Variants in LRRC37A2 observed in about 807,000 individuals in gnomAD.
LRRC37A2 encodes leucine rich repeat containing 37 member A2.
LRRC37A2 carries 9 observed loss-of-function variants against 68.8 expected under a neutral mutation model. The observed-to-expected ratio is 0.13, with a 90% CI of 0.08 to 0.23. The LOEUF is 0.23. Among genes scored for constraint, LRRC37A2 ranks in the 10% least tolerant of loss-of-function variants. The probability of loss-of-function intolerance (pLI) is 1.00; values close to 1 mark genes in which losing one functional copy is unlikely to be tolerated. For synonymous variants in LRRC37A2, 63 were observed against 367.6 expected, an observed-to-expected ratio of 0.17 and a Z score of 9.48; for missense variants, 168 against 950.4, an observed-to-expected ratio of 0.18 and a Z score of 10.82.
the LRRC37A2 span, chr17:46,923,090 G>T: frequency 1.2e-5 from 10 of 813,404 alleles, no homozygotes; most frequent in Non-Finnish European, 1.9e-5. Context: ...GGCCGGCAGG[G>T]GAGGGAGGGT....
At chr17:47,011,051 G>A in the LRRC37A2 span, among the ~76,000 whole-genome samples, 14 of 152,260 alleles carry the variant, frequency 9.2e-5, no homozygotes, top group African/African-American at 3.1e-4. Flanking sequence ...TGTGGAGTGA[G>A]TCTTAGACAG....
the LRRC37A2 span, among the ~76,000 whole-genome samples, chr17:46,987,382 A>C: frequency 6.6e-6 from 1 of 152,210 alleles, no homozygotes; most frequent in Admixed American, 6.5e-5. Flanking sequence ...AACACAGGGG[A>C]GACACACGAT....
chr17:46,969,834 A>T, the LRRC37A2 span, among the ~76,000 whole-genome samples: 1 of 152,108 alleles, frequency 6.6e-6, no homozygotes, highest in African/African-American at 2.4e-5. Context: ...CTCCCATTGC[A>T]AGAGAGGTGC....
At chr17:46,720,514 CT>C in the LRRC37A2 span, among the ~76,000 whole-genome samples, 1 of 152,198 alleles carries the variant, frequency 6.6e-6, no homozygotes, top group Admixed American at 6.5e-5. Flanking sequence ...TTTAGGTCCA[CT>C]TCCTGAGGCA....
the LRRC37A2 span, chr17:46,979,049 C>T: frequency 7.4e-7 from 1 of 1,349,586 alleles, no homozygotes; most frequent in Non-Finnish European, 9.4e-7. Context: ...GTCCCGGGTG[C>T]ACTGGGCTGC....
chr17:46,676,118 A>G, the LRRC37A2 span, among the ~76,000 whole-genome samples: 123 of 136,520 alleles, frequency 9.0e-4, 3 homozygotes, highest in African/African-American at 3.6e-3. Flanking sequence ...GGTTGTGTCT[A>G]TGAAAAGAGT....
the LRRC37A2 span, among the ~76,000 whole-genome samples, chr17:46,792,713 C>G: frequency 6.6e-6 from 1 of 152,196 alleles, no homozygotes; most frequent in East Asian, 1.9e-4. Context: ...ACCACGTGAT[C>G]TGCCCACCTC....
the LRRC37A2 span, among the ~76,000 whole-genome samples, chr17:46,809,406 A>G: frequency 6.6e-6 from 1 of 152,172 alleles, no homozygotes; most frequent in Non-Finnish European, 1.5e-5. Flanking sequence ...GCCCAGGGGC[A>G]GGTTTCCCAG....
the LRRC37A2 span, chr17:46,916,674 C>A: frequency 6.6e-6 from 1 of 152,120 alleles, no homozygotes; most frequent in East Asian, 1.9e-4. Flanking sequence ...ATGATGTAAC[C>A]AGCATTAAAT....
At chr17:46,853,460 C>A in the LRRC37A2 span, among the ~76,000 whole-genome samples, 1 of 146,260 alleles carries the variant, frequency 6.8e-6, no homozygotes, top group Non-Finnish European at 1.5e-5. Flanking sequence ...CAACCTCCAT[C>A]TCATGGGTTC....
the LRRC37A2 span, among the ~76,000 whole-genome samples, chr17:46,404,879 A>AAAATAAAT: frequency 1.7e-3 from 154 of 91,004 alleles, 25 homozygotes; most frequent in African/African-American, 5.2e-3. Flanking sequence ...CAAACAAATT[A>AAAATAAAT]AAATAAATAA....
chr17:46,708,346 C>T, the LRRC37A2 span, among the ~76,000 whole-genome samples: 1 of 152,126 alleles, frequency 6.6e-6, no homozygotes, highest in South Asian at 2.1e-4. Context: ...CACATGCTCA[C>T]CAACAAATTA....
chr17:46,798,176 G>A, the LRRC37A2 span, among the ~76,000 whole-genome samples: 3 of 152,164 alleles, frequency 2.0e-5, no homozygotes, highest in Non-Finnish European at 4.4e-5. Flanking sequence ...TGATCCTCCC[G>A]CCTCGGCCTC....
chr17:46,788,538 A>G, the LRRC37A2 span, among the ~76,000 whole-genome samples: 1 of 152,132 alleles, frequency 6.6e-6, no homozygotes, highest in East Asian at 1.9e-4. Context: ...TCCCATGTTT[A>G]AATCCCCTTT....
At chr17:46,914,514 A>G in the LRRC37A2 span, among the ~76,000 whole-genome samples, 74 of 151,836 alleles carry the variant, frequency 4.9e-4, no homozygotes, top group East Asian at 0.013. Flanking sequence ...AGCCAGGCGT[A>G]GTGGTGCATG....
chr17:46,741,072 A>G, the LRRC37A2 span, among the ~76,000 whole-genome samples: 1 of 152,206 alleles, frequency 6.6e-6, no homozygotes, highest in African/African-American at 2.4e-5. Flanking sequence ...GTTTAAAATT[A>G]CACAAATAAA....
At chr17:46,872,807 G>C in the LRRC37A2 span, 1 of 1,479,398 alleles carries the variant, frequency 6.8e-7, no homozygotes, top group South Asian at 1.2e-5. Flanking sequence ...GGGAGGGCTG[G>C]GGGAAGAAGC....
rs1490698325 is a variant in LRRC37A2 at position 46,527,850 on chromosome 17, TATC to T, written c.2906+3969_2906+3971del. Among the ~76,000 whole-genome samples the T allele has an allele frequency of 3.6e-5, 3 of 82,734 alleles. 1 individual carries two copies. The highest frequency in any genetic ancestry group is 1.5e-4 in the African/African-American group (3 of 20,296). The allele number at this position is 82,734 out of a possible 152,430, so 54.3% of individuals were successfully genotyped here. A position where few individuals can be genotyped will look rare whatever the true frequency, so the allele number is the denominator to read the frequency against. On this transcript the variant is annotated intron_variant, in intron 6 of 14. Transcript: ENST00000576629. ...ACAACTCTTGCGATGCGGTTATTAT[TATC>T]ATTTCTATTTTGTAGATGAGGAAGT...
the LRRC37A2 span, among the ~76,000 whole-genome samples, chr17:46,865,542 T>A: frequency 2.0e-5 from 3 of 151,514 alleles, no homozygotes; most frequent in African/African-American, 7.3e-5. Flanking sequence ...GGAGTAGGGG[T>A]TGGGGAGCCA....
Sources: allele counts gnomAD v4.1 joint callset (sites outside exome capture counted in the v4.1 genomes callset), GRCh38; gene constraint gnomAD v4.1.1; transcripts MANE v1.5; gene names NCBI Gene and HGNC (gene_info 2026-07-23, HGNC 2026-07-21).